The following CDIN1 variants were observed in gnomAD, a reference collection of about 807,000 sequenced individuals.
CDIN1 encodes the protein CDAN1-interacting nuclease 1.
Under a neutral mutation model 45.3 loss-of-function variants are expected in CDIN1, and 33 were observed. The observed-to-expected ratio is 0.73, with a 90% CI of 0.55 to 0.97. CDIN1 has a LOEUF of 0.97. Ranked by LOEUF, CDIN1 falls within the 50% of genes least tolerant of loss-of-function variation. CDIN1 has a pLI of 0.00. For missense variants in CDIN1, 303 were observed against 339.4 expected (o/e 0.89, Z 0.84); for synonymous variants, 118 against 124.4 (o/e 0.95, Z 0.34).
chr15:36,802,200 T>C (rs1249064300), intron 10 of CDIN1, among the ~76,000 whole-genome samples: 2 of 152,178 alleles, frequency 1.3e-5, no homozygotes, highest in Non-Finnish European at 2.9e-5. Flanking sequence ...AAAATGAGGA[T>C]AGTCATAGTG....
At chr15:36,699,897 A>G (rs2042571807) in intron 8 of CDIN1, among the ~76,000 whole-genome samples, 2 of 152,184 alleles carry the variant, frequency 1.3e-5, no homozygotes, top group South Asian at 4.1e-4. Flanking sequence ...AACTTATCCA[A>G]TTTGTACTTC....
chr15:36,597,671 G>A (rs2037902239), intron 1 of CDIN1, among the ~76,000 whole-genome samples: 1 of 152,154 alleles, frequency 6.6e-6, no homozygotes, highest in Non-Finnish European at 1.5e-5. Context: ...CAGTATGATA[G>A]AACCTTCAGT....
intron 10 of CDIN1, among the ~76,000 whole-genome samples, chr15:36,804,156 G>A (rs2055143733): frequency 6.6e-6 from 1 of 151,540 alleles, no homozygotes; most frequent in African/African-American, 2.5e-5. Flanking sequence ...TACAAATTAA[G>A]TGGTTCGATA....
At chr15:36,607,922 C>T (rs924898240) in intron 1 of CDIN1, among the ~76,000 whole-genome samples, 7 of 152,112 alleles carry the variant, frequency 4.6e-5, no homozygotes, top group South Asian at 2.1e-4. Context: ...ATGTTTCTAC[C>T]GATTTGCCTA....
At chr15:36,724,725 A>T (rs994729169) in intron 10 of CDIN1, among the ~76,000 whole-genome samples, 4 of 152,186 alleles carry the variant, frequency 2.6e-5, no homozygotes, top group African/African-American at 9.7e-5. Flanking sequence ...TAGAGAACTG[A>T]TTAACAATAA....
intron 8 of CDIN1, among the ~76,000 whole-genome samples, chr15:36,701,122 G>GTAGATAGATAGATAGA (rs200063950): frequency 1.3e-4 from 13 of 103,868 alleles, no homozygotes; most frequent in South Asian, 3.2e-4. Flanking sequence ...AGATAGGTAG[G>GTAGATAGATAGATAGA]TAGATAGATA....
At chr15:36,580,326 G>A (rs1356647023) in intron 1 of CDIN1, among the ~76,000 whole-genome samples, 1 of 152,156 alleles carries the variant, frequency 6.6e-6, no homozygotes, top group African/African-American at 2.4e-5. Context: ...TTGTAGATTC[G>A]AAAGGAGCAA....
rs1227413629 is a variant in CDIN1 at position 36,809,561 on chromosome 15, AGT to A, written c.*1109_*1110del. 89 of 152,318 alleles carry A rather than the reference AGT, an allele frequency of 5.8e-4. 1 individual carries two copies. Among genetic ancestry groups the A allele is most frequent in the African/African-American group, 1.9e-3 (81 of 41,564 alleles). 9.4% of individuals were successfully genotyped at this position (152,318 alleles called of 1,614,324 possible). A position where few individuals can be genotyped will look rare whatever the true frequency, so the allele number is the denominator to read the frequency against. ...AGATTTCAGTCTAAAGCGAAACATCAGTAAGTTAATAATAAACCTATCTTTTG... is the reference window on the plus strand; with the variant it reads ...AGATTTCAGTCTAAAGCGAAACATCAAAGTTAATAATAAACCTATCTTTTG... On this transcript the variant is annotated 3_prime_UTR_variant, in exon 11 of 11. Coordinates refer to ENST00000566621, the MANE Select transcript of CDIN1 (RefSeq NM_001321759.2).
intron 10 of CDIN1, among the ~76,000 whole-genome samples, chr15:36,788,075 C>CAT (rs201682731): frequency 9.8e-4 from 55 of 56,164 alleles, no homozygotes; most frequent in African/African-American, 4.0e-3. Flanking sequence ...TAATTTTATA[C>CAT]ATATATATAT....
intron 10 of CDIN1, chr15:36,756,096 C>A (rs952205330): frequency 4.4e-6 from 2 of 455,820 alleles, no homozygotes; most frequent in African/African-American, 4.0e-5. Context: ...ATAAGTTTGA[C>A]CCCGAACATG....
At chr15:36,693,487 A>G (rs2042320053) in intron 7 of CDIN1, among the ~76,000 whole-genome samples, 1 of 152,208 alleles carries the variant, frequency 6.6e-6, no homozygotes, top group Non-Finnish European at 1.5e-5. Context: ...TATATCAACT[A>G]ACACCATCTC....
At chr15:36,638,718 A>G (rs1179304373) in intron 1 of CDIN1, among the ~76,000 whole-genome samples, 1 of 152,250 alleles carries the variant, frequency 6.6e-6, no homozygotes, top group African/African-American at 2.4e-5. Context: ...TTTCTTAAAA[A>G]GGAAATAATG....
intron 10 of CDIN1, among the ~76,000 whole-genome samples, chr15:36,802,584 C>T (rs186111764): frequency 2.0e-5 from 3 of 152,132 alleles, no homozygotes; most frequent in Non-Finnish European, 1.5e-5. Context: ...TCTCCATTCT[C>T]CATAAGTAAA....
At chr15:36,681,501 G>GTCCC (rs1397662902) in intron 5 of CDIN1, among the ~76,000 whole-genome samples, 1 of 152,094 alleles carries the variant, frequency 6.6e-6, no homozygotes, top group Admixed American at 6.6e-5. Context: ...GGACAAAGCT[G>GTCCC]TAATGACTCA....
At chr15:36,700,784 A>G (rs971084569) in intron 8 of CDIN1, among the ~76,000 whole-genome samples, 2 of 152,080 alleles carry the variant, frequency 1.3e-5, no homozygotes, top group Non-Finnish European at 2.9e-5. Context: ...GTTCTTTCCA[A>G]GGATAATTAA....
At chr15:36,628,980 G>A (rs747330186) in intron 1 of CDIN1, among the ~76,000 whole-genome samples, 1 of 152,154 alleles carries the variant, frequency 6.6e-6, no homozygotes, top group African/African-American at 2.4e-5. Flanking sequence ...ATTTGAAGAT[G>A]CTGATCTTGA....
At chr15:36,733,440 G>A (rs1280777660) in intron 10 of CDIN1, among the ~76,000 whole-genome samples, 1 of 152,044 alleles carries the variant, frequency 6.6e-6, no homozygotes, top group Non-Finnish European at 1.5e-5. Context: ...TGGAGAAAAT[G>A]TGTTCTTAAT....
chr15:36,787,878 TATG>T lies in CDIN1; in HGVS notation c.717-20443_717-20441del, dbSNP rs1291101064. Among the ~76,000 whole-genome samples the T allele has an allele frequency of 6.0e-5, 9 of 150,816 alleles. No homozygotes were observed. The East Asian group carries it at 1.7e-3, about 29-fold the overall frequency. ...ATTTAGATATGTATCACATATTTAA[TATG>T]ATAAATATGTATTAATATGTATCAT... On this transcript the variant is annotated intron_variant, in intron 10 of 10. Transcript: ENST00000566621.
intron 10 of CDIN1, among the ~76,000 whole-genome samples, chr15:36,752,438 G>A (rs2053501101): frequency 6.6e-6 from 1 of 152,178 alleles, no homozygotes; most frequent in Admixed American, 6.5e-5. Flanking sequence ...CTTTTAATTT[G>A]TTGAATATTG....
Sources: gnomAD v4.1 joint callset for allele counts (sites outside exome capture counted in the v4.1 genomes callset) on GRCh38, gnomAD v4.1.1 for gene constraint, MANE v1.5 for transcripts, NCBI Gene and HGNC (gene_info 2026-07-23, HGNC 2026-07-21) for gene names.